CAST: variants seen among roughly 807,000 people sequenced by gnomAD.
The protein encoded by CAST is MIR583 host.
CAST carries 76 observed loss-of-function variants against 119.6 expected under a neutral mutation model. The ratio of observed to expected loss-of-function variants is 0.64; its 90% confidence interval spans 0.53 to 0.77. The LOEUF is 0.77. Ranked by LOEUF, CAST falls within the 30% of genes least tolerant of loss-of-function variation. The pLI, the probability that CAST is intolerant of heterozygous loss-of-function variation, is 0.00. For synonymous variants in CAST, 319 were observed against 331.6 expected (o/e 0.96, Z 0.41); for missense variants, 953 against 946.5 (o/e 1.01, Z -0.09).
intron 3 of CAST, among the ~76,000 whole-genome samples, chr5:96,710,887 C>T (rs1755995468): frequency 6.6e-6 from 1 of 151,690 alleles, no homozygotes; most frequent in Middle Eastern, 3.2e-3. Flanking sequence ...AAAAGTCTGT[C>T]CTCTGCTGAA....
chr5:96,217,013 T>C, the CAST span, among the ~76,000 whole-genome samples: 605 of 152,042 alleles, frequency 4.0e-3, 2 homozygotes, highest in African/African-American at 0.014. Context: ...TACTCAAGAG[T>C]TGAGAAGTAA....
chr5:96,226,766 T>G, the CAST span, among the ~76,000 whole-genome samples: 92 of 152,308 alleles, frequency 6.0e-4, no homozygotes, highest in Middle Eastern at 3.4e-3. Flanking sequence ...TTTAACTTTC[T>G]CCCCCACTTG....
chr5:96,035,047 A>C, the CAST span, among the ~76,000 whole-genome samples: 1 of 92,850 alleles, frequency 1.1e-5, no homozygotes, highest in Non-Finnish European at 2.1e-5. Context: ...TTAAGTATAT[A>C]TATATATATA....
the CAST span, among the ~76,000 whole-genome samples, chr5:96,017,219 A>G: frequency 1.3e-5 from 2 of 152,112 alleles, no homozygotes; most frequent in African/African-American, 4.8e-5. Flanking sequence ...CAATTCCCTA[A>G]TAAGTATAGT....
At chr5:96,493,398 C>T in the CAST span, among the ~76,000 whole-genome samples, 7 of 152,240 alleles carry the variant, frequency 4.6e-5, no homozygotes, top group Non-Finnish European at 7.4e-5. Context: ...CTAGTCCTAC[C>T]GCCATCTTGC....
At chr5:96,641,311 A>C (rs1747947101) in intron 1 of CAST, among the ~76,000 whole-genome samples, 1 of 152,202 alleles carries the variant, frequency 6.6e-6, no homozygotes, top group Non-Finnish European at 1.5e-5. Context: ...TGCACTAGGC[A>C]AGAAGGTATA....
the CAST span, among the ~76,000 whole-genome samples, chr5:96,056,331 A>G: frequency 6.6e-6 from 1 of 152,128 alleles, no homozygotes. Flanking sequence ...TGGGGTAACT[A>G]ATGACTTTTA....
chr5:96,733,663 A>AG (rs1761044268), intron 9 of CAST, among the ~76,000 whole-genome samples: 1 of 152,176 alleles, frequency 6.6e-6, no homozygotes, highest in South Asian at 2.1e-4. Flanking sequence ...AGATCACCTG[A>AG]GGTCAGGAGC....
At chr5:96,495,083 C>T in the CAST span, among the ~76,000 whole-genome samples, 3 of 146,802 alleles carry the variant, frequency 2.0e-5, no homozygotes, top group African/African-American at 5.1e-5. Flanking sequence ...GGAGATCGCA[C>T]CATTGCACTC....
the CAST span, among the ~76,000 whole-genome samples, chr5:96,403,313 G>A: frequency 2.6e-5 from 4 of 151,966 alleles, no homozygotes; most frequent in African/African-American, 4.8e-5. Flanking sequence ...TGTGCACAAC[G>A]TGCAGTTTTG....
chr5:96,534,020 A>G lies in CAST; in HGVS notation c.60+4140A>G, dbSNP rs146848354. Among the ~76,000 whole-genome samples the G allele has an allele frequency of 5.9e-3, 902 of 152,336 alleles. 6 individuals carry two copies. Among genetic ancestry groups the G allele is most frequent in the African/African-American group, 0.021 (860 of 41,564 alleles). The stretch of plus-strand genomic sequence containing the variant: ...AAACAATTGACAGTGTATATTGTCA[A>G]TGATAAAATATAAACTTTCAAGCAG... On this transcript the variant is annotated intron_variant, in intron 1 of 11. Coordinates refer to the CAST transcript ENST00000505143.
the CAST span, among the ~76,000 whole-genome samples, chr5:96,478,721 A>T: frequency 6.6e-6 from 1 of 152,190 alleles, no homozygotes; most frequent in African/African-American, 2.4e-5. Context: ...ACTTTTACCT[A>T]ATGAGAAGTA....
At chr5:96,368,530 G>C in the CAST span, among the ~76,000 whole-genome samples, 3 of 150,608 alleles carry the variant, frequency 2.0e-5, no homozygotes, top group African/African-American at 7.3e-5. Flanking sequence ...AAAACCTATA[G>C]AATTATTCTC....
chr5:96,239,432 G>A, the CAST span, among the ~76,000 whole-genome samples: 1 of 152,026 alleles, frequency 6.6e-6, no homozygotes, highest in African/African-American at 2.4e-5. Flanking sequence ...GAGTTAATTA[G>A]GAGTGTGATA....
At chr5:96,739,016 T>A (rs1762193762) in intron 11 of CAST, among the ~76,000 whole-genome samples, 1 of 151,334 alleles carries the variant, frequency 6.6e-6, no homozygotes, top group Admixed American at 6.6e-5. Context: ...TTTCTAGAAT[T>A]TATAAAGAAT....
chr5:96,561,161 A>G (rs1229992963), intron 1 of CAST, among the ~76,000 whole-genome samples: 1 of 136,898 alleles, frequency 7.3e-6, no homozygotes, highest in East Asian at 2.6e-4. Context: ...ATGAGAACAC[A>G]TGGACACAGG....
chr5:96,061,969 A>T, the CAST span, among the ~76,000 whole-genome samples: 255 of 152,200 alleles, frequency 1.7e-3, 2 homozygotes, highest in African/African-American at 5.9e-3. Context: ...AGTCTCCTAT[A>T]TGTTTGTTAT....
intron 1 of CAST, among the ~76,000 whole-genome samples, chr5:96,560,704 A>T (rs1018393797): frequency 6.6e-6 from 1 of 152,020 alleles, no homozygotes; most frequent in East Asian, 1.9e-4. Context: ...AGGAAACAAC[A>T]GGTGCTGGAG....
In CAST at chr5:96,722,638, G is replaced by C; in HGVS notation, c.211-1G>C. 1 of 1,609,576 alleles carries C rather than the reference G, an allele frequency of 6.2e-7. No homozygotes were observed. The highest frequency in any genetic ancestry group is 8.5e-7 in the Non-Finnish European group (1 of 1,175,874). ...TTTCTATTTCTTTCTTTCCTTTCTA[G>C]GTGTCAGCTTCCTCTGGTGCAACCA... is the stretch of plus-strand genomic sequence containing the variant. On this transcript the variant is annotated splice_acceptor_variant, in intron 3 of 31. Coordinates refer to ENST00000675179, the MANE Select transcript of CAST (RefSeq NM_001750.7). LOFTEE classifies it high-confidence loss of function.
Sources: allele counts gnomAD v4.1 joint callset (sites outside exome capture counted in the v4.1 genomes callset), GRCh38; gene constraint gnomAD v4.1.1; transcripts MANE v1.5; gene names NCBI Gene and HGNC (gene_info 2026-07-23, HGNC 2026-07-21).